Variants in ASPRV1 observed in about 807,000 individuals in gnomAD.
The protein encoded by ASPRV1 is retroviral-like aspartic protease 1.
Under a neutral mutation model 11.0 loss-of-function variants are expected in ASPRV1, and 7 were observed. The ratio of observed to expected loss-of-function variants is 0.64; its 90% CI spans 0.36 to 1.20. The LOEUF (loss-of-function observed/expected upper bound fraction) is 1.20, where lower values mean the gene tolerates loss of function less well. ASPRV1 is among the 50% of genes most tolerant of loss of function. The pLI, the probability that ASPRV1 is intolerant of heterozygous loss-of-function variation, is 0.02. For synonymous variants in ASPRV1, 136 were observed against 138.4 expected, an observed-to-expected ratio of 0.98 and a Z score of 0.12; for missense variants, 299 against 320.0, an observed-to-expected ratio of 0.93 and a Z score of 0.50.
At chr2:70,048,215 A>T in the ASPRV1 span, among the ~76,000 whole-genome samples, 2 of 150,450 alleles carry the variant, frequency 1.3e-5, no homozygotes, top group African/African-American at 4.9e-5. Context: ...GGAGATCGAG[A>T]CCATCCTGGC....
the ASPRV1 span, among the ~76,000 whole-genome samples, chr2:69,997,110 C>T: frequency 6.6e-6 from 1 of 150,954 alleles, no homozygotes; most frequent in African/African-American, 2.4e-5. Context: ...GGCTTAAGCC[C>T]AGAAGTTGAA....
At chr2:69,989,874 G>A in the ASPRV1 span, among the ~76,000 whole-genome samples, 2 of 152,374 alleles carry the variant, frequency 1.3e-5, no homozygotes, top group East Asian at 1.9e-4. Flanking sequence ...CACATAGACA[G>A]GGTTCAGTAA....
At chr2:70,023,863 TAGAA>T in the ASPRV1 span, among the ~76,000 whole-genome samples, 1 of 151,942 alleles carries the variant, frequency 6.6e-6, no homozygotes, top group Non-Finnish European at 1.5e-5. Context: ...TTTTAAATAT[TAGAA>T]AGAAAAAGTT....
chr2:70,057,837 A>G, the ASPRV1 span, among the ~76,000 whole-genome samples: 1 of 148,852 alleles, frequency 6.7e-6, no homozygotes, highest in Non-Finnish European at 1.5e-5. Flanking sequence ...CTCTGTGGCT[A>G]GGCTGAAATG....
At chr2:70,070,966 C>T in the ASPRV1 span, among the ~76,000 whole-genome samples, 1 of 152,090 alleles carries the variant, frequency 6.6e-6, no homozygotes, top group Non-Finnish European at 1.5e-5. Context: ...CTGCCCTGTA[C>T]ACCACAGTCC....
the ASPRV1 span, among the ~76,000 whole-genome samples, chr2:70,064,718 T>C: frequency 2.0e-5 from 3 of 152,250 alleles, no homozygotes; most frequent in Non-Finnish European, 4.4e-5. Context: ...ACAAAGAAAG[T>C]TGTTTTACTA....
the ASPRV1 span, among the ~76,000 whole-genome samples, chr2:69,984,338 C>G: frequency 1.3e-5 from 2 of 152,166 alleles, no homozygotes; most frequent in Non-Finnish European, 2.9e-5. Context: ...CGCACCCAGC[C>G]AGAAGTTTTT....
the ASPRV1 span, among the ~76,000 whole-genome samples, chr2:69,978,738 A>G: frequency 2.6e-5 from 4 of 152,290 alleles, no homozygotes; most frequent in Admixed American, 2.0e-4. Context: ...GCGCCCTCCA[A>G]GGTGGTAGCA....
the ASPRV1 span, among the ~76,000 whole-genome samples, chr2:69,954,222 C>A: frequency 6.6e-6 from 1 of 152,196 alleles, no homozygotes; most frequent in Non-Finnish European, 1.5e-5. Context: ...TCAGCTTCCA[C>A]TCCTGCTTCC....
the ASPRV1 span, among the ~76,000 whole-genome samples, chr2:70,037,004 G>C: frequency 6.6e-6 from 1 of 152,072 alleles, no homozygotes; most frequent in East Asian, 1.9e-4. Flanking sequence ...TCCCCTCCAA[G>C]CCTGTCAAAG....
chr2:70,066,098 C>G, the ASPRV1 span, among the ~76,000 whole-genome samples: 3 of 151,058 alleles, frequency 2.0e-5, no homozygotes, highest in African/African-American at 7.3e-5. Context: ...AATCCCAGCA[C>G]TTTGGGAGGC....
the ASPRV1 span, among the ~76,000 whole-genome samples, chr2:70,026,582 G>T: frequency 6.6e-6 from 1 of 150,674 alleles, no homozygotes; most frequent in Non-Finnish European, 1.5e-5. Flanking sequence ...ACAAAATCAA[G>T]AAAGGAATTC....
chr2:70,020,416 G>T, the ASPRV1 span, among the ~76,000 whole-genome samples: 1 of 152,138 alleles, frequency 6.6e-6, no homozygotes, highest in African/African-American at 2.4e-5. Flanking sequence ...GCCATGAAGA[G>T]GAAGTTCTGA....
the ASPRV1 span, among the ~76,000 whole-genome samples, chr2:70,055,174 A>G: frequency 6.6e-6 from 1 of 151,990 alleles, no homozygotes; most frequent in Non-Finnish European, 1.5e-5. Flanking sequence ...GTGGTGGCGC[A>G]CGCCTGTAAT....
the ASPRV1 span, among the ~76,000 whole-genome samples, chr2:70,020,926 A>G: frequency 3.9e-5 from 6 of 152,296 alleles, no homozygotes; most frequent in Middle Eastern, 6.8e-3. Context: ...TTCTAGAGAT[A>G]AAGAGCGGTG....
At chr2:70,076,646 C>T in the ASPRV1 span, among the ~76,000 whole-genome samples, 34,403 of 152,184 alleles carry the variant, frequency 0.23, 6,955 homozygotes, top group African/African-American at 0.51. Context: ...CATCATAGCT[C>T]AGCCTAGACT....
chr2:70,044,308 T>C, the ASPRV1 span, among the ~76,000 whole-genome samples: 1 of 152,146 alleles, frequency 6.6e-6, no homozygotes, highest in Non-Finnish European at 1.5e-5. Context: ...CCCCTGAAAT[T>C]ATACCACTTG....
the ASPRV1 span, among the ~76,000 whole-genome samples, chr2:70,062,619 A>G: frequency 1.3e-5 from 2 of 152,286 alleles, no homozygotes; most frequent in South Asian, 4.1e-4. Flanking sequence ...CAAGCTGGGC[A>G]TTAAGTAATC....
Position 69,961,110 on chromosome 2 carries a change from A to G in ASPRV1, c.327T>C (p.Gly109=), listed in dbSNP as rs747608966. The change falls in exon 1 of 1, where the codon GGT becomes GGC. Residue 109 remains glycine, a synonymous_variant. Transcript: ENST00000320256. ...TCTTCCCCTTGAGATAGTAGCCCTT[A>G]CCCATGCTGTTGGCAAAGACGATCT... is the stretch of plus-strand genomic sequence containing the variant. ...PKEIVFANSM[G]KGYYLKGKIG... The G allele has an allele frequency of 6.2e-7, 1 of 1,613,716 alleles. No homozygotes were observed. The highest frequency in any genetic ancestry group is 1.1e-5 in the South Asian group (1 of 91,064).
Sources: allele counts gnomAD v4.1 joint callset (sites outside exome capture counted in the v4.1 genomes callset), GRCh38; gene constraint gnomAD v4.1.1; transcripts MANE v1.5; gene names NCBI Gene and HGNC (gene_info 2026-07-23, HGNC 2026-07-21).